TEPSIN: variants seen among roughly 807,000 people sequenced by gnomAD.
TEPSIN encodes the protein TEPSIN adaptor related protein complex 4 accessory protein, also known as AP-4 complex accessory subunit tepsin.
TEPSIN carries 50 observed loss-of-function variants against 48.5 expected under a neutral mutation model. The ratio of observed to expected loss-of-function variants is 1.03; its 90% CI spans 0.82 to 1.31. The LOEUF is 1.31. TEPSIN is among the 50% of genes most tolerant of loss of function. The pLI is 0.00. For missense variants in TEPSIN, 838 were observed against 815.9 expected (o/e 1.03, Z -0.33); for synonymous variants, 392 against 358.8 (o/e 1.09, Z -1.05).
At chr17:81,237,142 T>C in intron 2 of TEPSIN, 71 bp from the exon 3 acceptor site, 1 of 1,471,226 alleles carries the variant, frequency 6.8e-7, no homozygotes, top group South Asian at 1.2e-5. Context: ...GACCAGGCCA[T>C]GGGGCCTCTC....
rs200266052 is a variant in TEPSIN, at chr17:81,228,932, G to A, written c.1778C>T (p.Ala593Val). 1.1e-4 allele frequency: 181 copies of A among 1,613,010 alleles called. No individual in the cohort carries two copies. The highest frequency in any genetic ancestry group is 1.2e-4 in the Non-Finnish European group (144 of 1,180,026). ...SEPSAFAFLNA is the reference protein window; with the variant it reads ...SEPSAFAFLNV ...CTCCAGGGCCAGGCCATCGGGTCAG[G>A]CGTTCAGGAACGCGAAAGCTGACGG... The change falls in exon 13 of 13, where the codon GCC becomes GTC. Residue 593 changes from alanine to valine, a missense_variant. Physicochemically the swap from Ala to Val is moderately conservative, Grantham distance 64. Transcript: ENST00000637944.
At position 81,231,079 on chromosome 17, in the gene TEPSIN, GCA is replaced by G. The variant is rs367624653; in HGVS notation, c.1098+317_1098+318del. 7.4e-4 allele frequency: 361 copies of G among 489,844 alleles called. 4 individuals are homozygous for G. Among genetic ancestry groups the G allele is most frequent in the South Asian group, 4.7e-3 (166 of 35,670 alleles). 30.3% of individuals were successfully genotyped at this position (489,844 alleles called of 1,614,324 possible). ...CACGTGTCCACACTTTCATGTGCAT[GCA>G]CACACACACAGGCACATACATACAC... On this transcript the variant is annotated intron_variant, in intron 11 of 12. Coordinates refer to ENST00000637944, the MANE Select transcript of TEPSIN (RefSeq NM_001363764.2).
At position 81,228,826 on chromosome 17, in the gene TEPSIN, A is replaced by G; in HGVS notation, c.*102T>C. 1 of 1,446,330 alleles carries G rather than the reference A, an allele frequency of 6.9e-7. No individual in the cohort carries two copies. The highest frequency in any genetic ancestry group is 9.4e-7 in the Non-Finnish European group (1 of 1,063,134). The allele number at this position is 1,446,330 out of a possible 1,614,324, so 89.6% of individuals were successfully genotyped here. A position where few individuals can be genotyped will look rare whatever the true frequency, so the allele number is the denominator to read the frequency against. On this transcript the variant is annotated 3_prime_UTR_variant, in exon 13 of 13. Transcript: ENST00000637944. ...GCCCTAGGGTCGTCCTCTCAAGTCA[A>G]GCTGCCTGGAGACTGTAGCAGCTAC...
Position 81,233,460 on chromosome 17 carries a change from G to A in TEPSIN, c.498C>T (p.Phe166=), listed in dbSNP as rs142131433. ...QARPHSTLQG[F]GYSKEHGRTG... ...TGCGGCCGTGTTCCTTGCTGTAGCC[G>A]AAACCCTGGAGGGTGCTGTGCGGCC... The change falls in exon 7 of 13, where the codon TTC becomes TTT. Residue 166 remains phenylalanine (F), a synonymous_variant. Coordinates refer to ENST00000637944, the MANE Select transcript of TEPSIN (RefSeq NM_001363764.2). This position sits in a 1 kb window ranked among gnomAD's most constrained non-coding sequence, Gnocchi z 5.8. 1.0e-4 allele frequency: 166 copies of A among 1,610,856 alleles called. No individual in the cohort carries two copies. The African/African-American group carries it at 1.9e-3, about 18-fold the overall frequency.
intron 12 of TEPSIN, chr17:81,229,796 T>G: frequency 2.5e-6 from 1 of 403,156 alleles, no homozygotes; most frequent in South Asian, 3.3e-5. Flanking sequence ...AGTGAACACG[T>G]GGCCTGGCAC....
chr17:81,237,382 G>A lies in TEPSIN; in HGVS notation c.121+5C>T, dbSNP rs1486652949. 4.3e-6 allele frequency: 7 copies of A among 1,610,918 alleles called. No homozygotes were observed. In the South Asian group the frequency reaches 4.4e-5, roughly 10 times the overall value. ...CCACTACACGGGGACATCAAGGAAG[G>A]ATACTAGCAATCTCTTCAAACAGGT... On this transcript the variant is annotated splice_donor_5th_base_variant and intron_variant, in intron 2 of 12. Transcript: ENST00000637944.
chr17:81,238,078 T>C (rs963155207), intron 1 of TEPSIN: 3 of 989,282 alleles, frequency 3.0e-6, no homozygotes, highest in Non-Finnish European at 2.4e-6. Flanking sequence ...CAGGACAGAA[T>C]AGAGTTCAAG....
rs2062653670 is a variant in TEPSIN, at chr17:81,233,201, T to G, written c.526+231A>C. The G allele has an allele frequency of 1.7e-6, 1 of 581,846 alleles. No homozygotes were observed. Among genetic ancestry groups the G allele is most frequent in the Middle Eastern group, 4.5e-4 (1 of 2,212 alleles). The allele number at this position is 581,846 out of a possible 1,614,324, so 36.0% of individuals were successfully genotyped here. On this transcript the variant is annotated intron_variant, in intron 7 of 12. Transcript: ENST00000637944. The surrounding 1 kb of genome is among the most constrained non-coding windows in gnomAD (Gnocchi z 5.8). The stretch of plus-strand genomic sequence containing the variant: ...ACGGGGCCCAGCCCTGACTTCTTGC[T>G]CGGCCTGGTTTCTCTCATCTGTCCA...
In TEPSIN at chr17:81,233,735, G is replaced by A. The variant is rs1179208960; in HGVS notation, c.376-19C>T. ...CCAAGTCCTACAGGGGGAGGCGAAG[G>A]CCCTCAGTGTCCTCACACCAGGGCC... On this transcript the variant is annotated intron_variant, in intron 5 of 12. Coordinates refer to ENST00000637944, the MANE Select transcript of TEPSIN (RefSeq NM_001363764.2). The surrounding 1 kb of genome is among the most constrained non-coding windows in gnomAD (Gnocchi z 5.8). 2.5e-6 allele frequency: 4 copies of A among 1,580,054 alleles called. No homozygotes were observed. Among genetic ancestry groups the A allele is most frequent in the Non-Finnish European group, 3.4e-6 (4 of 1,165,120 alleles).
At chr17:81,238,104 A>C (rs1044815331) in intron 1 of TEPSIN, 24 of 986,152 alleles carry the variant, frequency 2.4e-5, no homozygotes, top group Non-Finnish European at 2.9e-5. Flanking sequence ...TTAACAGGAC[A>C]AGCATGGGAC....
In TEPSIN at chr17:81,229,479, G is replaced by A. The variant is rs1372073020; in HGVS notation, c.1234-3C>T. The A allele has an allele frequency of 6.5e-7, 1 of 1,549,284 alleles. No individual in the cohort carries two copies. The highest frequency in any genetic ancestry group is 2.4e-5 in the East Asian group (1 of 40,882). ...GAGGCCTCAAAGTGCCTCAGGATCT[G>A]AAAGAGGAAGGAGGAACCAGGGAGG... On this transcript the variant is annotated splice_polypyrimidine_tract_variant and splice_region_variant and intron_variant, in intron 12 of 12. Coordinates refer to ENST00000637944, the MANE Select transcript of TEPSIN (RefSeq NM_001363764.2).
chr17:81,232,063 G>C, intron 8 of TEPSIN, 42 bp from the exon 9 acceptor site: 1 of 1,585,696 alleles, frequency 6.3e-7, no homozygotes, highest in Non-Finnish European at 8.6e-7. Flanking sequence ...TGGGGCTTCA[G>C]GCCAGCCCCA....
At chr17:81,238,672 C>T (rs1008341074) in intron 1 of TEPSIN, 1 of 1,189,922 alleles carries the variant, frequency 8.4e-7, no homozygotes, top group African/African-American at 1.6e-5. Flanking sequence ...GGCTCCACGT[C>T]CACCGGGTCC....
chr17:81,232,664 C>A, intron 7 of TEPSIN, 146 bp from the exon 8 acceptor site: 2 of 706,480 alleles, frequency 2.8e-6, no homozygotes, highest in Non-Finnish European at 4.5e-6. Context: ...CCTGGTGGGC[C>A]CCAGGCCCTC....
Position 81,230,309 on chromosome 17 carries a change from G to A in TEPSIN, c.1233+235C>T. The A allele has an allele frequency of 9.6e-6, 5 of 521,212 alleles. No individual in the cohort carries two copies. Among genetic ancestry groups the A allele is most frequent in the Non-Finnish European group, 1.7e-5 (5 of 300,266 alleles). The allele number at this position is 521,212 out of a possible 1,614,324, so 32.3% of individuals were successfully genotyped here. On this transcript the variant is annotated intron_variant, in intron 12 of 12. Coordinates refer to ENST00000637944, the MANE Select transcript of TEPSIN (RefSeq NM_001363764.2). This position sits in a 1 kb window ranked among gnomAD's most constrained non-coding sequence, Gnocchi z 4.2. Reference sequence around the variant, plus strand: ...CGGAGTCTGGGGGCTTCCAGGAATAGGTAGAGGCCAGTGTACTGTGAGTGC... The same window carrying A: ...CGGAGTCTGGGGGCTTCCAGGAATAAGTAGAGGCCAGTGTACTGTGAGTGC...
intron 3 of TEPSIN, 37 bp from the exon 4 acceptor site, chr17:81,236,838 G>C: frequency 6.5e-7 from 1 of 1,548,826 alleles, no homozygotes; most frequent in Non-Finnish European, 8.7e-7. Flanking sequence ...TGGGCAGGCC[G>C]GACACGGGAC....
intron 12 of TEPSIN, chr17:81,229,720 T>C: frequency 1.8e-6 from 1 of 556,506 alleles, no homozygotes; most frequent in Non-Finnish European, 3.1e-6. Flanking sequence ...CGAATCTTGC[T>C]CCTTTACTCA....
At chr17:81,237,996 A>G (rs1407923337) in intron 1 of TEPSIN, 3 of 997,372 alleles carry the variant, frequency 3.0e-6, no homozygotes, top group Middle Eastern at 5.1e-4. Context: ...TTTCATGCTT[A>G]CTTACTGGCA....
In TEPSIN at chr17:81,228,750, A is replaced by T; in HGVS notation, c.*178T>A. 1.3e-6 allele frequency: 1 copy of T among 753,300 alleles called. No individual in the cohort carries two copies. The highest frequency in any genetic ancestry group is 2.1e-6 in the Non-Finnish European group (1 of 466,202). 46.7% of individuals were successfully genotyped at this position (753,300 alleles called of 1,614,324 possible). A position where few individuals can be genotyped will look rare whatever the true frequency, so the allele number is the denominator to read the frequency against. Reference sequence around the variant, plus strand: ...CACCTGCCATCCCTCGTAGGGATTCAAGTCCAAATAGCCAGAGCCTCTGGC... The same window carrying T: ...CACCTGCCATCCCTCGTAGGGATTCTAGTCCAAATAGCCAGAGCCTCTGGC... On this transcript the variant is annotated 3_prime_UTR_variant, in exon 13 of 13. Coordinates refer to ENST00000637944, the MANE Select transcript of TEPSIN (RefSeq NM_001363764.2).
Sources: gnomAD v4.1 joint callset for allele counts on GRCh38, gnomAD v4.1.1 for gene constraint, Gnocchi (gnomAD v3.1) non-coding constraint, MANE v1.5 for transcripts, NCBI Gene and HGNC (gene_info 2026-07-23, HGNC 2026-07-21) for gene names.